The following CNBD1 variants were observed in gnomAD, a reference collection of about 807,000 sequenced individuals.
The protein encoded by CNBD1 is cyclic nucleotide-binding domain-containing protein 1.
CNBD1 carries 71 observed loss-of-function variants against 54.4 expected under a neutral mutation model. The observed-to-expected ratio is 1.30, with a 90% CI of 1.08 to 1.59. The LOEUF (loss-of-function observed/expected upper bound fraction) is 1.59. CNBD1 is among the 40% of genes most tolerant of loss of function. CNBD1 has a pLI of 0.00. For missense variants in CNBD1, 659 were observed against 518.0 expected (o/e 1.27, Z -2.64); for synonymous variants, 182 against 170.7 (o/e 1.07, Z -0.51).
At chr8:87,231,122 C>G (rs138093462) in intron 5 of CNBD1, among the ~76,000 whole-genome samples, 189 of 152,122 alleles carry the variant, frequency 1.2e-3, no homozygotes, top group African/African-American at 4.2e-3. Flanking sequence ...CTAATACTAC[C>G]AAATCTCTTT....
chr8:87,423,390 C>A (rs978226015), intron 2 of CNBD1, among the ~76,000 whole-genome samples: 17 of 150,930 alleles, frequency 1.1e-4, no homozygotes, highest in Non-Finnish European at 4.4e-5. Flanking sequence ...TTTGCCCATT[C>A]AGTATGATAT....
At chr8:87,421,374 C>G (rs1807933124) in intron 2 of CNBD1, among the ~76,000 whole-genome samples, 1 of 151,214 alleles carries the variant, frequency 6.6e-6, no homozygotes, top group African/African-American at 2.4e-5. Context: ...GCTGCACCCA[C>G]TAACTCGTCA....
intron 8 of CNBD1, among the ~76,000 whole-genome samples, chr8:87,335,183 C>T (rs906735037): frequency 1.3e-5 from 2 of 152,040 alleles, no homozygotes; most frequent in Non-Finnish European, 2.9e-5. Flanking sequence ...ATATTCTGTT[C>T]TTTTGTGATG....
At chr8:87,316,322 G>T (rs924947678) in intron 8 of CNBD1, among the ~76,000 whole-genome samples, 1 of 152,032 alleles carries the variant, frequency 6.6e-6, no homozygotes, top group African/African-American at 2.4e-5. Flanking sequence ...TCCTGTCTAA[G>T]TCAATTTAAC....
intron 10 of CNBD1, among the ~76,000 whole-genome samples, chr8:87,366,023 T>C (rs1810634512): frequency 6.6e-6 from 1 of 152,112 alleles, no homozygotes; most frequent in African/African-American, 2.4e-5. Context: ...GGGATAATAA[T>C]AAATCTAGCC....
Position 87,144,100 on chromosome 8 carries a change from A to G in CNBD1, c.432-61893A>G, listed in dbSNP as rs548206966. 2.1e-3 allele frequency among the ~76,000 whole-genome samples: 319 copies of G among 152,340 alleles called. 1 individual carries two copies. Among genetic ancestry groups the G allele is most frequent in the Non-Finnish European group, 3.7e-3 (255 of 68,028 alleles). On this transcript the variant is annotated intron_variant, in intron 4 of 10. Coordinates refer to ENST00000518476, the MANE Select transcript of CNBD1 (RefSeq NM_173538.3). ...AGTGCATATTTCAGTGGTGTGATGG[A>G]AAGATAAATCCATGGGAGTCCAGCA... is the stretch of plus-strand genomic sequence containing the variant.
intron 10 of CNBD1, among the ~76,000 whole-genome samples, chr8:87,363,095 C>G (rs992850577): frequency 6.6e-6 from 1 of 151,960 alleles, no homozygotes; most frequent in African/African-American, 2.4e-5. Flanking sequence ...TGAGTGGGAA[C>G]ATGAAGTGTT....
chr8:87,139,757 G>C (rs1812334239), intron 4 of CNBD1, among the ~76,000 whole-genome samples: 1 of 152,128 alleles, frequency 6.6e-6, no homozygotes, highest in Non-Finnish European at 1.5e-5. Context: ...AGGGGTCAAA[G>C]GCCTCCTCCA....
At chr8:86,977,790 G>T (rs1388303442) in intron 4 of CNBD1, among the ~76,000 whole-genome samples, 4 of 152,138 alleles carry the variant, frequency 2.6e-5, no homozygotes, top group Admixed American at 2.6e-4. Context: ...TGGCTTCATG[G>T]CTGAATTTTA....
chr8:87,046,745 G>C (rs373320688), intron 4 of CNBD1, among the ~76,000 whole-genome samples: 1 of 152,166 alleles, frequency 6.6e-6, no homozygotes, highest in African/African-American at 2.4e-5. Flanking sequence ...CTACACACTA[G>C]GTGGGAAGGA....
At chr8:87,325,222 A>C (rs1809641341) in intron 8 of CNBD1, among the ~76,000 whole-genome samples, 2 of 94,968 alleles carry the variant, frequency 2.1e-5, no homozygotes, top group South Asian at 2.6e-4. Context: ...TTTACTTCCA[A>C]GTATGTGGTC....
chr8:87,271,858 G>C (rs1808373300), intron 6 of CNBD1, among the ~76,000 whole-genome samples: 1 of 151,902 alleles, frequency 6.6e-6, no homozygotes, highest in Admixed American at 6.6e-5. Flanking sequence ...AGCAACCTAA[G>C]TGTCCATCAA....
At chr8:87,387,688 A>G (rs1396497253), downstream of CNBD1, among the ~76,000 whole-genome samples, 1 of 152,178 alleles carries the variant, frequency 6.6e-6, no homozygotes, top group Non-Finnish European at 1.5e-5. Flanking sequence ...TCAACATTAG[A>G]CAGATCAATG....
At chr8:86,967,625 CA>C (rs1808115246) in intron 4 of CNBD1, among the ~76,000 whole-genome samples, 1 of 152,216 alleles carries the variant, frequency 6.6e-6, no homozygotes, top group Non-Finnish European at 1.5e-5. Flanking sequence ...TTATTTCTAA[CA>C]TTTTTTAAAT....
At chr8:87,026,608 C>G (rs1809651106) in intron 4 of CNBD1, among the ~76,000 whole-genome samples, 1 of 152,008 alleles carries the variant, frequency 6.6e-6, no homozygotes, top group Non-Finnish European at 1.5e-5. Context: ...TATATTAGAA[C>G]AAAAATTCAC....
At chr8:87,165,055 G>A (rs1044999983) in intron 4 of CNBD1, among the ~76,000 whole-genome samples, 2 of 151,350 alleles carry the variant, frequency 1.3e-5, no homozygotes, top group Admixed American at 6.6e-5. Context: ...TCAGGAGTGT[G>A]CTGTTTATTT....
At position 87,323,604 on chromosome 8, in the gene CNBD1, G is replaced by C. The variant is rs1586012878; in HGVS notation, c.1043-28081G>C. Among the ~76,000 whole-genome samples, 20 of 127,934 alleles carry C rather than the reference G, an allele frequency of 1.6e-4. No homozygotes were observed. The South Asian group carries it at 4.7e-3, about 30-fold the overall frequency. The allele number at this position is 127,934 out of a possible 152,430, so 83.9% of individuals were successfully genotyped here. On this transcript the variant is annotated intron_variant, in intron 8 of 10. Coordinates refer to ENST00000518476, the MANE Select transcript of CNBD1 (RefSeq NM_173538.3). Reference sequence around the variant, plus strand: ...TCACTCATGATTTGGCTCTCTGTTTGTCTGTTGCTGGTGTATAAGAATGCT... The same window carrying C: ...TCACTCATGATTTGGCTCTCTGTTTCTCTGTTGCTGGTGTATAAGAATGCT...
At chr8:86,870,968 T>G (rs2131765560) in intron 1 of CNBD1, among the ~76,000 whole-genome samples, 1 of 152,352 alleles carries the variant, frequency 6.6e-6, no homozygotes, top group Non-Finnish European at 1.5e-5. Context: ...AAAAATTTTT[T>G]TCCTCACCTT....
At chr8:87,204,162 T>C (rs1338196298) in intron 4 of CNBD1, among the ~76,000 whole-genome samples, 1 of 152,204 alleles carries the variant, frequency 6.6e-6, no homozygotes, top group African/African-American at 2.4e-5. Context: ...TGGAGCATAA[T>C]ATTAGGTATT....
Sources: gnomAD v4.1 joint callset for allele counts (sites outside exome capture counted in the v4.1 genomes callset) on GRCh38, gnomAD v4.1.1 for gene constraint, MANE v1.5 for transcripts, NCBI Gene and HGNC (gene_info 2026-07-23, HGNC 2026-07-21) for gene names.